The following ENTPD4 variants were observed in gnomAD, a reference collection of about 807,000 sequenced individuals.
ENTPD4 encodes ectonucleoside triphosphate diphosphohydrolase 4.
Under a neutral mutation model 79.1 loss-of-function variants are expected in ENTPD4, and 60 were observed. The observed-to-expected ratio is 0.76, with a 90% CI of 0.62 to 0.94. The LOEUF (loss-of-function observed/expected upper bound fraction) is 0.94. Among genes scored for constraint, ENTPD4 ranks in the 40% least tolerant of loss-of-function variants. ENTPD4 has a pLI of 0.00. For missense variants in ENTPD4, 772 were observed against 775.1 expected, an observed-to-expected ratio of 1.00 and a Z score of 0.05; for synonymous variants, 276 against 292.0, an observed-to-expected ratio of 0.95 and a Z score of 0.56.
intron 4 of ENTPD4, among the ~76,000 whole-genome samples, chr8:23,447,377 T>C (rs968267157): frequency 6.6e-6 from 1 of 152,172 alleles, no homozygotes; most frequent in Non-Finnish European, 1.5e-5. Flanking sequence ...GGTTACTAAA[T>C]AGGAAAAAAC....
chr8:23,433,197 G>A (rs1800491886), intron 12 of ENTPD4, 43 bp from the exon 13 acceptor site: 2 of 1,544,564 alleles, frequency 1.3e-6, no homozygotes, highest in Non-Finnish European at 1.8e-6. Flanking sequence ...CAGTAAGCAA[G>A]GAAAGGGGTG....
chr8:23,432,448 T>A lies in ENTPD4; in HGVS notation c.*478A>T. 1.0e-6 allele frequency: 1 copy of A among 986,488 alleles called. No individual in the cohort carries two copies. Among genetic ancestry groups the A allele is most frequent in the Non-Finnish European group, 1.2e-6 (1 of 830,774 alleles). 61.1% of individuals were successfully genotyped at this position (986,488 alleles called of 1,614,324 possible). A position where few individuals can be genotyped will look rare whatever the true frequency, so the allele number is the denominator to read the frequency against. On this transcript the variant is annotated 3_prime_UTR_variant, in exon 13 of 13. Coordinates refer to ENST00000358689, the MANE Select transcript of ENTPD4 (RefSeq NM_004901.5). ...TCTTCCCCACTCCTCAATTTAATGC[T>A]GTACTCAAAATGGCTAAACGCAATA...
intron 8 of ENTPD4, among the ~76,000 whole-genome samples, chr8:23,440,764 C>T (rs528930272): frequency 6.6e-6 from 1 of 152,222 alleles, no homozygotes; most frequent in South Asian, 2.1e-4. Flanking sequence ...TTCTAATAAC[C>T]CCATGTTGTA....
Position 23,433,134 on chromosome 8 carries a change from A to G in ENTPD4, c.1643T>C (p.Phe548Ser), listed in dbSNP as rs746180754. The G allele has an allele frequency of 6.2e-7, 1 of 1,614,116 alleles. No individual in the cohort carries two copies. The highest frequency in any genetic ancestry group is 8.5e-7 in the Non-Finnish European group (1 of 1,180,008). The part of the protein sequence containing the change: ...LPLRDIQQEA[F>S]RASHTHWRGV... ...CCGCCAGTGGGTGTGACTGGCTCGG[A>G]AGGCCTCCTGCTGGATGTCTCTGCC... Residue 548 changes from phenylalanine (F) to serine (S), a missense_variant, in exon 13 of 13, where the codon TTC becomes TCC. Coordinates refer to ENST00000358689, the MANE Select transcript of ENTPD4 (RefSeq NM_004901.5).
chr8:23,451,898 CT>C (rs1800869169), intron 1 of ENTPD4, among the ~76,000 whole-genome samples: 1 of 152,210 alleles, frequency 6.6e-6, no homozygotes, highest in Admixed American at 6.5e-5. Context: ...ATTCCCTTCC[CT>C]GATTGATCTT....
At chr8:23,443,711 T>C (rs1800712690) in intron 6 of ENTPD4, 139 bp downstream of exon 6, 4 of 562,726 alleles carry the variant, frequency 7.1e-6, no homozygotes, top group Non-Finnish European at 1.3e-5. Context: ...ATTTAGTAAT[T>C]TAAAAATTGT....
intron 3 of ENTPD4, 22 bp downstream of exon 3, chr8:23,448,720 A>T (rs1401888360): frequency 6.2e-7 from 1 of 1,604,424 alleles, no homozygotes; most frequent in Non-Finnish European, 8.5e-7. Context: ...TGGTCTAGAA[A>T]GCAAATGTTT....
intron 12 of ENTPD4, 73 bp from the exon 13 acceptor site, chr8:23,433,227 C>T (rs779338335): frequency 1.3e-4 from 177 of 1,319,044 alleles, no homozygotes; most frequent in Admixed American, 1.9e-4. Context: ...CACAGGGGGA[C>T]GGCGGGACCC....
intron 1 of ENTPD4, among the ~76,000 whole-genome samples, chr8:23,455,246 G>C (rs954317456): frequency 6.6e-6 from 1 of 152,232 alleles, no homozygotes; most frequent in South Asian, 2.1e-4. Flanking sequence ...CAAATCACAG[G>C]CAAACAAAAT....
Position 23,449,902 on chromosome 8 carries a change from C to T in ENTPD4, c.-2G>A. ...TAGGCCCATCACTTACCTCCCCATA[C>T]TGAAAGGTCAGCAACAAGGCAATGC... is the stretch of plus-strand genomic sequence containing the variant. On this transcript the variant is annotated 5_prime_UTR_variant, in exon 2 of 13. Coordinates refer to ENST00000358689, the MANE Select transcript of ENTPD4 (RefSeq NM_004901.5). The T allele has an allele frequency of 6.2e-7, 1 of 1,613,844 alleles. No individual in the cohort carries two copies. Among genetic ancestry groups the T allele is most frequent in the South Asian group, 1.1e-5 (1 of 91,082 alleles).
intron 1 of ENTPD4, among the ~76,000 whole-genome samples, chr8:23,451,022 CT>C (rs34914268): frequency 0.59 from 74,558 of 126,580 alleles, 21,420 homozygotes; most frequent in African/African-American, 0.77. Context: ...TTTTTCTTTT[CT>C]TTTTTTTTTT....
rs1201727699 is a variant in ENTPD4, at chr8:23,431,366, GCACA to G, written c.*1556_*1559del. The G allele has an allele frequency of 1.0e-6, 1 of 985,280 alleles. No individual in the cohort carries two copies. The allele number at this position is 985,280 out of a possible 1,614,324, so 61.0% of individuals were successfully genotyped here. On this transcript the variant is annotated 3_prime_UTR_variant, in exon 13 of 13. Coordinates refer to ENST00000358689, the MANE Select transcript of ENTPD4 (RefSeq NM_004901.5). Reference sequence around the variant, plus strand: ...TTAACTGTTCTGGAGTTAGGGAACAGCACACACAGACACTCGCACAAAACAAACT... The same window carrying G: ...TTAACTGTTCTGGAGTTAGGGAACAGCACAGACACTCGCACAAAACAAACT...
At position 23,447,912 on chromosome 8, in the gene ENTPD4, G is replaced by C. The variant is rs570965295; in HGVS notation, c.207-27C>G. The stretch of plus-strand genomic sequence containing the variant: ...TTGTATAGAAACACACGTATGCTTT[G>C]ATTTAGACAAAGAATATCACCTGAA... On this transcript the variant is annotated intron_variant, in intron 3 of 12. Transcript: ENST00000358689. 4.0e-5 allele frequency: 63 copies of C among 1,583,992 alleles called. No homozygotes were observed. The South Asian group carries it at 6.5e-4, about 16-fold the overall frequency.
At chr8:23,438,292 C>T (rs942557241) in intron 9 of ENTPD4, among the ~76,000 whole-genome samples, 3 of 152,168 alleles carry the variant, frequency 2.0e-5, no homozygotes, top group Non-Finnish European at 4.4e-5. Flanking sequence ...TATTCATCAC[C>T]GACAGTCAAG....
rs1286823403 is a variant in ENTPD4, at chr8:23,429,918, G to A, written c.*3008C>T. 5.1e-6 allele frequency: 5 copies of A among 985,336 alleles called. No homozygotes were observed. The highest frequency in any genetic ancestry group is 6.0e-6 in the Non-Finnish European group (5 of 829,916). The allele number at this position is 985,336 out of a possible 1,614,324, so 61.0% of individuals were successfully genotyped here. ...GAAATGTCTGAGAACATCCCCTGGA[G>A]GAGGTTTAAAAGTGAGAAGCCCATG... On this transcript the variant is annotated 3_prime_UTR_variant, in exon 13 of 13. Coordinates refer to ENST00000358689, the MANE Select transcript of ENTPD4 (RefSeq NM_004901.5).
intron 3 of ENTPD4, 140 bp from the exon 4 acceptor site, chr8:23,448,025 T>A: frequency 1.5e-6 from 1 of 651,016 alleles, no homozygotes; most frequent in South Asian, 1.9e-5. Context: ...AACTGTTGAA[T>A]AATTGAAGAG....
Position 23,437,049 on chromosome 8 carries a change from G to A in ENTPD4, c.1259C>T (p.Pro420Leu), listed in dbSNP as rs780094524. The A allele has an allele frequency of 6.2e-7, 1 of 1,614,128 alleles. No individual in the cohort carries two copies. Among genetic ancestry groups the A allele is most frequent in the South Asian group, 1.1e-5 (1 of 91,080 alleles). Residue 420 changes from proline to leucine, a missense_variant, in exon 10 of 13, where the codon CCA (proline) becomes CTA (leucine). Physicochemically the swap from Pro to Leu is moderately conservative, Grantham distance 98 (BLOSUM62 -3). Transcript: ENST00000358689. ...QTSLNGVYQP[P>L]IHFQNSEFYG... ...GAATTCACTGTTCTGGAAGTGAATT[G>A]GGGGCTGGTAGACCCCATTGAGGGA... is the stretch of plus-strand genomic sequence containing the variant.
At chr8:23,443,213 T>C (rs1477676608) in intron 6 of ENTPD4, among the ~76,000 whole-genome samples, 1 of 152,210 alleles carries the variant, frequency 6.6e-6, no homozygotes, top group African/African-American at 2.4e-5. Context: ...GTGATATTTT[T>C]TCCTCATCTT....
chr8:23,455,883 C>G (rs1162845778), intron 1 of ENTPD4, among the ~76,000 whole-genome samples: 2 of 152,176 alleles, frequency 1.3e-5, no homozygotes, highest in Non-Finnish European at 2.9e-5. Flanking sequence ...CTTTGATTCC[C>G]ACATCCGGTG....
Sources: allele counts gnomAD v4.1 joint callset (sites outside exome capture counted in the v4.1 genomes callset), GRCh38; gene constraint gnomAD v4.1.1; transcripts MANE v1.5; gene names NCBI Gene and HGNC (gene_info 2026-07-23, HGNC 2026-07-21).